Variants in ACVR2A observed in about 807,000 individuals in gnomAD.
The protein encoded by ACVR2A is activin A receptor type 2A.
ACVR2A carries 7 observed loss-of-function variants against 61.4 expected under a neutral mutation model. The observed-to-expected ratio is 0.11, with a 90% CI of 0.06 to 0.21. The LOEUF (loss-of-function observed/expected upper bound fraction) is 0.21. ACVR2A is among the 10% of genes least tolerant of loss of function. The pLI is 1.00. For synonymous variants in ACVR2A, 193 were observed against 208.3 expected, an observed-to-expected ratio of 0.93 and a Z score of 0.63; for missense variants, 322 against 621.7, an observed-to-expected ratio of 0.52 and a Z score of 5.13.
rs1687428049 is a variant in ACVR2A, at chr2:147,923,203, AC to A, written c.1216+93del. On this transcript the variant is annotated intron_variant, in intron 9 of 10. Coordinates refer to ENST00000241416, the MANE Select transcript of ACVR2A (RefSeq NM_001616.5). Reference sequence around the variant, plus strand: ...ACACTCCAAGGTAATATTTTAAAGTACAGTTTTTTTTTAATTGACTCCAAGA... The same window carrying A: ...ACACTCCAAGGTAATATTTTAAAGTAAGTTTTTTTTTAATTGACTCCAAGA... 4 of 1,408,304 alleles carry A rather than the reference AC, an allele frequency of 2.8e-6. No homozygotes were observed. The East Asian group carries it at 7.1e-5, about 25-fold the overall frequency. The allele number at this position is 1,408,304 out of a possible 1,614,324, so 87.2% of individuals were successfully genotyped here.
chr2:147,890,978 C>G (rs1686568541), intron 1 of ACVR2A, among the ~76,000 whole-genome samples: 1 of 152,064 alleles, frequency 6.6e-6, no homozygotes, highest in Non-Finnish European at 1.5e-5. Flanking sequence ...AGAAAACCAT[C>G]CTTAATCCTA....
At chr2:147,918,417 A>G (rs765130589) in intron 6 of ACVR2A, 30 bp from the exon 7 acceptor site, 62 of 1,591,656 alleles carry the variant, frequency 3.9e-5, no homozygotes, top group Non-Finnish European at 4.9e-5. Context: ...TGTCAAGAAC[A>G]TAAGTTTCTT....
rs1687623302 is a variant in ACVR2A at position 147,929,919 on chromosome 2, AG to A, written c.*2647del. The A allele has an allele frequency of 6.6e-6, 1 of 152,460 alleles. No individual in the cohort carries two copies. Among genetic ancestry groups the A allele is most frequent in the African/African-American group, 2.4e-5 (1 of 41,394 alleles). 9.4% of individuals were successfully genotyped at this position (152,460 alleles called of 1,614,324 possible). A position where few individuals can be genotyped will look rare whatever the true frequency, so the allele number is the denominator to read the frequency against. ...TTTACCTTGCCCAGATCTCCGCGTA[AG>A]GAATGCTTTATGATCAACTTGCCAT... On this transcript the variant is annotated 3_prime_UTR_variant, in exon 11 of 11. Coordinates refer to ENST00000241416, the MANE Select transcript of ACVR2A (RefSeq NM_001616.5).
chr2:147,867,856 CA>C lies in ACVR2A; in HGVS notation c.55+22650del, dbSNP rs1192022387. Among the ~76,000 whole-genome samples, 3 of 152,230 alleles carry C rather than the reference CA, an allele frequency of 2.0e-5. No homozygotes were observed. In the East Asian group the frequency reaches 5.8e-4, roughly 29 times the overall value. ...ACTGCCTCCCACTTTAATCTTACAA[CA>C]CTAGAAGACTTCTGATCTTTACTAC... On this transcript the variant is annotated intron_variant, in intron 1 of 10. Coordinates refer to ENST00000241416, the MANE Select transcript of ACVR2A (RefSeq NM_001616.5).
In ACVR2A at chr2:147,899,458, G is replaced by A. The variant is rs2105194038; in HGVS notation, c.264G>A (p.Arg88=). The A allele has an allele frequency of 3.1e-6, 5 of 1,604,906 alleles. No individual in the cohort carries two copies. In the East Asian group the frequency reaches 1.1e-4, roughly 36 times the overall value. The part of the protein sequence containing the change: ...CWLDDINCYD[R]TDCVEKKDSP... ...TTATTTTTTCTCTGCTTATTTATAG[G>A]ACTGATTGTGTAGAAAAAAAAGACA... is the stretch of plus-strand genomic sequence containing the variant. The change falls in exon 3 of 11, where the codon AGG becomes AGA. Residue 88 remains arginine (R), a splice_region_variant and synonymous_variant. Transcript: ENST00000241416.
intron 1 of ACVR2A, among the ~76,000 whole-genome samples, chr2:147,876,758 G>A (rs1319010304): frequency 1.3e-5 from 2 of 152,124 alleles, no homozygotes; most frequent in Admixed American, 6.6e-5. Context: ...GAGAGGATAC[G>A]TGAGTTCCAC....
intron 1 of ACVR2A, among the ~76,000 whole-genome samples, chr2:147,846,834 C>A (rs1182150922): frequency 1.3e-5 from 2 of 152,116 alleles, no homozygotes; most frequent in Non-Finnish European, 2.9e-5. Context: ...TTGTTCAAAT[C>A]CCTTGTTCTG....
intron 4 of ACVR2A, among the ~76,000 whole-genome samples, chr2:147,903,695 T>C (rs567026025): frequency 6.6e-6 from 1 of 152,080 alleles, no homozygotes; most frequent in South Asian, 2.1e-4. Flanking sequence ...ATTGTATTAG[T>C]TGTAATCCTC....
At chr2:147,907,667 C>A (rs915171875) in intron 4 of ACVR2A, among the ~76,000 whole-genome samples, 2 of 152,120 alleles carry the variant, frequency 1.3e-5, no homozygotes, top group Non-Finnish European at 2.9e-5. Context: ...CATTTATATC[C>A]AAGGATTATT....
At chr2:147,925,570 G>T (rs997757719) in intron 9 of ACVR2A, 1 of 152,368 alleles carries the variant, frequency 6.6e-6, no homozygotes, top group African/African-American at 2.4e-5. Flanking sequence ...AATTCCTCAT[G>T]TGGGGCATGC....
intron 1 of ACVR2A, among the ~76,000 whole-genome samples, chr2:147,863,099 A>G (rs1408621608): frequency 6.6e-6 from 1 of 152,230 alleles, no homozygotes; most frequent in African/African-American, 2.4e-5. Context: ...AGCAGAACTT[A>G]GGTCTGTAAG....
chr2:147,909,897 T>C (rs1010362190), intron 4 of ACVR2A, among the ~76,000 whole-genome samples: 2 of 152,154 alleles, frequency 1.3e-5, no homozygotes, highest in African/African-American at 4.8e-5. Flanking sequence ...TGCCTTGGCC[T>C]CCCAAAATGC....
intron 4 of ACVR2A, among the ~76,000 whole-genome samples, chr2:147,901,790 G>GA (rs1686876575): frequency 6.6e-6 from 1 of 152,006 alleles, no homozygotes; most frequent in African/African-American, 2.4e-5. Flanking sequence ...CTATGTTGTG[G>GA]AAAAGGGGCA....
At chr2:147,905,280 G>C (rs997162187) in intron 4 of ACVR2A, among the ~76,000 whole-genome samples, 3 of 151,902 alleles carry the variant, frequency 2.0e-5, no homozygotes, top group African/African-American at 7.3e-5. Context: ...TATATGGACA[G>C]CTTTTCAGAT....
chr2:147,918,598 C>T lies in ACVR2A; in HGVS notation c.962+6C>T, dbSNP rs2105217086. ...AAACCTGCCATATCTCACAGGTAGA[C>T]TAAATTTATATTGTTTTCCCAGATA... On this transcript the variant is annotated splice_donor_region_variant and intron_variant, in intron 7 of 10. Coordinates refer to ENST00000241416, the MANE Select transcript of ACVR2A (RefSeq NM_001616.5). The T allele has an allele frequency of 1.9e-6, 3 of 1,592,688 alleles. No homozygotes were observed. The highest frequency in any genetic ancestry group is 3.6e-5 in the Admixed American group (2 of 55,452).
chr2:147,917,327 T>G lies in ACVR2A; in HGVS notation c.717T>G (p.Pro239=). ...ATGAATACGAAGTCTACAGTTTGCCTGGAATGAAGCATGAGAACATATTAC... is the reference window on the plus strand; with the variant it reads ...ATGAATACGAAGTCTACAGTTTGCCGGGAATGAAGCATGAGAACATATTAC... The part of the protein sequence containing the change: ...WQNEYEVYSL[P]GMKHENILQF... The change falls in exon 6 of 11, where the codon CCT becomes CCG. Residue 239 remains proline, a synonymous_variant. Transcript: ENST00000241416. The G allele has an allele frequency of 1.2e-6, 2 of 1,612,346 alleles. No individual in the cohort carries two copies. The highest frequency in any genetic ancestry group is 1.7e-6 in the Non-Finnish European group (2 of 1,178,904).
chr2:147,928,990 CCA>C lies in ACVR2A; in HGVS notation c.*1721_*1722del, dbSNP rs1002407132. On this transcript the variant is annotated 3_prime_UTR_variant, in exon 11 of 11. Coordinates refer to ENST00000241416, the MANE Select transcript of ACVR2A (RefSeq NM_001616.5). ...GTGTTGTCTTCAAATGGTTATTTAA[CCA>C]CACAGTACACTACATTTTACATATA... 2 of 152,350 alleles carry C rather than the reference CCA, an allele frequency of 1.3e-5. No individual in the cohort carries two copies. Among genetic ancestry groups the C allele is most frequent in the African/African-American group, 4.8e-5 (2 of 41,390 alleles). The allele number at this position is 152,350 out of a possible 1,614,324, so 9.4% of individuals were successfully genotyped here.
chr2:147,917,563 T>G, intron 6 of ACVR2A, 137 bp downstream of exon 6: 1 of 1,050,330 alleles, frequency 9.5e-7, no homozygotes, highest in Non-Finnish European at 1.3e-6. Flanking sequence ...AAAATCATTC[T>G]TGAATAAAAA....
intron 9 of ACVR2A, 56 bp downstream of exon 9, chr2:147,923,167 A>G (rs1455669820): frequency 6.5e-6 from 10 of 1,532,840 alleles, no homozygotes; most frequent in Non-Finnish European, 7.0e-6. Context: ...ACATATATGA[A>G]AAGGGATGAT....
Sources: allele counts gnomAD v4.1 joint callset (sites outside exome capture counted in the v4.1 genomes callset), GRCh38; gene constraint gnomAD v4.1.1; transcripts MANE v1.5; gene names NCBI Gene and HGNC (gene_info 2026-07-23, HGNC 2026-07-21).